Variants in SLC30A7 observed in about 807,000 individuals in gnomAD.
SLC30A7 encodes solute carrier family 30 member 7, also known as zinc transporter 7.
In SLC30A7, 35 loss-of-function variants were observed where a neutral mutation model predicts 46.0. The ratio of observed to expected loss-of-function variants is 0.76; its 90% confidence interval spans 0.58 to 1.01. The LOEUF is 1.01. Among genes scored for constraint, SLC30A7 ranks in the 50% least tolerant of loss-of-function variants. The pLI, the probability that SLC30A7 is intolerant of heterozygous loss-of-function variation, is 0.00. For missense variants in SLC30A7, 464 were observed against 451.1 expected, an observed-to-expected ratio of 1.03 and a Z score of -0.26; for synonymous variants, 147 against 157.8, an observed-to-expected ratio of 0.93 and a Z score of 0.51.
At chr1:100,952,584 CAG>C (rs1298547547) in intron 8 of SLC30A7, among the ~76,000 whole-genome samples, 4 of 151,848 alleles carry the variant, frequency 2.6e-5, no homozygotes, top group African/African-American at 9.7e-5. Flanking sequence ...TGGGGAAAGA[CAG>C]AGAGAAAAAA....
At chr1:100,909,885 C>G (rs1651971495) in intron 3 of SLC30A7, among the ~76,000 whole-genome samples, 2 of 151,902 alleles carry the variant, frequency 1.3e-5, no homozygotes, top group Non-Finnish European at 2.9e-5. Flanking sequence ...GGATAGTAAC[C>G]CTGCTGATTT....
At chr1:100,904,147 G>A (rs962111899) in intron 2 of SLC30A7, among the ~76,000 whole-genome samples, 5 of 152,050 alleles carry the variant, frequency 3.3e-5, no homozygotes, top group African/African-American at 7.2e-5. Flanking sequence ...TACTGGTCAC[G>A]GAACTAGTAA....
Position 100,976,246 on chromosome 1 carries a change from G to A in SLC30A7, c.*1389G>A, listed in dbSNP as rs1656496856. The A allele has an allele frequency of 6.6e-6, 1 of 152,216 alleles. No homozygotes were observed. Among genetic ancestry groups the A allele is most frequent in the South Asian group, 2.1e-4 (1 of 4,830 alleles). 9.4% of individuals were successfully genotyped at this position (152,216 alleles called of 1,614,324 possible). On this transcript the variant is annotated 3_prime_UTR_variant, in exon 11 of 11. Coordinates refer to ENST00000357650, the MANE Select transcript of SLC30A7 (RefSeq NM_133496.5). ...GGAGACTGAAGGCAGAAATGGTTGT[G>A]ACAGTGCTGTTTGGCTTTTTCATTC... is the stretch of plus-strand genomic sequence containing the variant.
intron 8 of SLC30A7, among the ~76,000 whole-genome samples, chr1:100,922,094 C>T (rs376763260): frequency 6.6e-6 from 1 of 151,666 alleles, no homozygotes; most frequent in Non-Finnish European, 1.5e-5. Context: ...GCTGGGATTA[C>T]AGACAACTGC....
chr1:100,959,487 T>C (rs1007474726), intron 8 of SLC30A7, among the ~76,000 whole-genome samples: 1 of 152,140 alleles, frequency 6.6e-6, no homozygotes, highest in East Asian at 1.9e-4. Flanking sequence ...CAAGGTTCAT[T>C]TGGGGGAGAA....
In SLC30A7 at chr1:100,896,633, C is replaced by T. The variant is rs1289045381; in HGVS notation, c.144C>T (p.Phe48=). 1 of 1,614,118 alleles carries T rather than the reference C, an allele frequency of 6.2e-7. No homozygotes were observed. Among genetic ancestry groups the T allele is most frequent in the South Asian group, 1.1e-5 (1 of 91,072 alleles). The part of the protein sequence containing the change: ...LFFFLCLNLS[F]AFVELLYGIW... ...TCTTCCTGTGCCTGAACCTCTCTTT[C>T]GCTTTTGTGGAACTACTCTACGGCA... The change falls in exon 2 of 11, where the codon TTC becomes TTT. Residue 48 remains phenylalanine, a synonymous_variant. Coordinates refer to ENST00000357650, the MANE Select transcript of SLC30A7 (RefSeq NM_133496.5).
In SLC30A7 at chr1:100,971,854, C is replaced by T. The variant is rs1570598964; in HGVS notation, c.1084-2956C>T. 3.9e-5 allele frequency among the ~76,000 whole-genome samples: 6 copies of T among 152,138 alleles called. 3 individuals are homozygous for T. The highest frequency in any genetic ancestry group is 3.9e-4 in the Admixed American group (6 of 15,272). ...CGAAATAATTTTCTATAGTCATATT[C>T]CCGTTTATTTCCCTAAATTTTTTAC... is the stretch of plus-strand genomic sequence containing the variant. On this transcript the variant is annotated intron_variant, in intron 10 of 10. Transcript: ENST00000357650.
chr1:100,983,383 A>C (rs1657074545), downstream of SLC30A7, among the ~76,000 whole-genome samples: 1 of 144,634 alleles, frequency 6.9e-6, no homozygotes, highest in African/African-American at 2.5e-5. Context: ...GGCAAAAAAA[A>C]AAAAAAACAA....
chr1:100,912,231 T>G lies in SLC30A7; in HGVS notation c.504T>G (p.His168Gln). 2 of 1,614,014 alleles carry G rather than the reference T, an allele frequency of 1.2e-6. No individual in the cohort carries two copies. Among genetic ancestry groups the G allele is most frequent in the Non-Finnish European group, 1.7e-6 (2 of 1,179,916 alleles). ...AACATGGAGGTCATGGACATTCTCA[T>G]GGCTCTGGTATGATGGTTAGGACAC... ...VFKHGGHGHS[H>Q]GSGHGHSHSL... Residue 168 changes from histidine to glutamine, a missense_variant, in exon 5 of 11, where the codon CAT becomes CAG. His to Gln is a conservative substitution (Grantham distance 24). Coordinates refer to ENST00000357650, the MANE Select transcript of SLC30A7 (RefSeq NM_133496.5).
chr1:100,908,637 G>A (rs1178811436), intron 3 of SLC30A7, among the ~76,000 whole-genome samples: 1 of 152,058 alleles, frequency 6.6e-6, no homozygotes, highest in African/African-American at 2.4e-5. Flanking sequence ...AGATAAGAAC[G>A]CTTTTTATGG....
intron 10 of SLC30A7, among the ~76,000 whole-genome samples, chr1:100,967,494 C>G (rs762441185): frequency 3.3e-5 from 5 of 152,132 alleles, no homozygotes; most frequent in Admixed American, 2.6e-4. Context: ...GGGTTAGGGA[C>G]CCCTGATCTA....
chr1:100,905,311 T>C (rs1051845980), intron 2 of SLC30A7, among the ~76,000 whole-genome samples: 7 of 152,064 alleles, frequency 4.6e-5, no homozygotes, highest in Admixed American at 2.6e-4. Flanking sequence ...TTAATTTTTC[T>C]CTTTCTTCCC....
intron 8 of SLC30A7, among the ~76,000 whole-genome samples, chr1:100,945,648 C>G (rs148634890): frequency 0.023 from 3,450 of 152,112 alleles, 122 homozygotes; most frequent in African/African-American, 0.075. Context: ...TGGTCTATAT[C>G]TCTGTTTTGG....
chr1:100,927,267 T>TG (rs1034062698), intron 8 of SLC30A7, among the ~76,000 whole-genome samples: 3 of 152,098 alleles, frequency 2.0e-5, no homozygotes, highest in Admixed American at 6.6e-5. Context: ...AACTGAGCCC[T>TG]GGGGTTGGTC....
At chr1:100,957,652 C>CT (rs1655297791) in intron 8 of SLC30A7, among the ~76,000 whole-genome samples, 1 of 152,082 alleles carries the variant, frequency 6.6e-6, no homozygotes, top group Non-Finnish European at 1.5e-5. Context: ...CGTCAGATAT[C>CT]TAAACATTGT....
chr1:100,896,918 C>A (rs1249765354), intron 2 of SLC30A7, among the ~76,000 whole-genome samples: 3 of 152,152 alleles, frequency 2.0e-5, no homozygotes, highest in Admixed American at 1.3e-4. Flanking sequence ...ACAAGACTGA[C>A]AAGCCCCTCC....
chr1:100,906,527 CTTT>C (rs199835657), intron 2 of SLC30A7, among the ~76,000 whole-genome samples: 3 of 151,462 alleles, frequency 2.0e-5, no homozygotes, highest in African/African-American at 7.3e-5. Context: ...TAGTAGATGG[CTTT>C]TTTTTTCCTA....
At chr1:100,920,554 G>C (rs1262912195) in intron 7 of SLC30A7, among the ~76,000 whole-genome samples, 5 of 151,854 alleles carry the variant, frequency 3.3e-5, no homozygotes, top group Admixed American at 6.6e-5. Context: ...GGTAGTGAGG[G>C]ATGATTTATA....
downstream of SLC30A7, among the ~76,000 whole-genome samples, chr1:100,984,645 G>A (rs1395282608): frequency 6.6e-6 from 1 of 152,164 alleles, no homozygotes; most frequent in Non-Finnish European, 1.5e-5. Context: ...GCATCCTGAA[G>A]CTAACAGGTT....
Sources: gnomAD v4.1 joint callset for allele counts (sites outside exome capture counted in the v4.1 genomes callset) on GRCh38, gnomAD v4.1.1 for gene constraint, MANE v1.5 for transcripts, NCBI Gene and HGNC (gene_info 2026-07-23, HGNC 2026-07-21) for gene names.